INTS3: variants seen among roughly 807,000 people sequenced by gnomAD.
The protein encoded by INTS3 is SOSS complex subunit A.
Under a neutral mutation model 146.3 loss-of-function variants are expected in INTS3, and 34 were observed. The ratio of observed to expected loss-of-function variants is 0.23; its 90% CI spans 0.18 to 0.31. The LOEUF is 0.31. INTS3 is among the 10% of genes least tolerant of loss of function. The probability of loss-of-function intolerance (pLI) is 1.00; values close to 1 mark genes in which losing one functional copy is unlikely to be tolerated. For missense variants in INTS3, 757 were observed against 1,304.2 expected, an observed-to-expected ratio of 0.58 and a Z score of 6.46; for synonymous variants, 475 against 494.9, an observed-to-expected ratio of 0.96 and a Z score of 0.53.
rs375392383 is a variant in INTS3 at position 153,773,487 on chromosome 1, C to T, written c.*217C>T. 2 of 608,474 alleles carry T rather than the reference C, an allele frequency of 3.3e-6. No individual in the cohort carries two copies. Among genetic ancestry groups the T allele is most frequent in the Non-Finnish European group, 6.0e-6 (2 of 333,876 alleles). The allele number at this position is 608,474 out of a possible 1,614,324, so 37.7% of individuals were successfully genotyped here. Reference sequence around the variant, plus strand: ...CTCCTGGGGCCTCCAGCCCCTCACACTGCTGTTCCCAGTGATATTTGGGAT... The same window carrying T: ...CTCCTGGGGCCTCCAGCCCCTCACATTGCTGTTCCCAGTGATATTTGGGAT... On this transcript the variant is annotated 3_prime_UTR_variant, in exon 30 of 30. Coordinates refer to ENST00000318967, the MANE Select transcript of INTS3 (RefSeq NM_023015.5).
chr1:153,772,211 C>T lies in INTS3; in HGVS notation c.2721-129C>T. The T allele has an allele frequency of 8.9e-7, 1 of 1,123,460 alleles. No homozygotes were observed. The highest frequency in any genetic ancestry group is 1.3e-6 in the Non-Finnish European group (1 of 777,878). 69.6% of individuals were successfully genotyped at this position (1,123,460 alleles called of 1,614,324 possible). On this transcript the variant is annotated intron_variant, in intron 26 of 29. Transcript: ENST00000318967. The surrounding 1 kb of genome is among the most constrained non-coding windows in gnomAD (Gnocchi z 4.6). ...ACACCTTTCTCACCCAACCCCAGCC[C>T]TCCCAGGCTGCCTATCCTGTTCCCC...
At chr1:153,768,009 T>A (rs956242400) in intron 21 of INTS3, among the ~76,000 whole-genome samples, 182 bp downstream of exon 21, 1 of 152,186 alleles carries the variant, frequency 6.6e-6, no homozygotes, top group Non-Finnish European at 1.5e-5. Flanking sequence ...TTGAAACATT[T>A]CTAAAACTCC....
rs920168152 is a variant in INTS3, at chr1:153,774,173, C to T, written c.*903C>T. On this transcript the variant is annotated 3_prime_UTR_variant, in exon 30 of 30. Coordinates refer to ENST00000318967, the MANE Select transcript of INTS3 (RefSeq NM_023015.5). ...CCCTACTTGTAACCGCAGAACATCCCCCTTTCCCTTCCTGTTCTGCCCCCA... is the reference window on the plus strand; with the variant it reads ...CCCTACTTGTAACCGCAGAACATCCTCCTTTCCCTTCCTGTTCTGCCCCCA... The T allele has an allele frequency of 1.3e-5, 2 of 152,210 alleles. No individual in the cohort carries two copies. The highest frequency in any genetic ancestry group is 2.9e-5 in the Non-Finnish European group (2 of 68,056). The allele number at this position is 152,210 out of a possible 1,614,324, so 9.4% of individuals were successfully genotyped here.
In INTS3 at chr1:153,772,562, A is replaced by C; in HGVS notation, c.2822-77A>C. The C allele has an allele frequency of 1.9e-6, 3 of 1,611,490 alleles. No homozygotes were observed. The highest frequency in any genetic ancestry group is 2.5e-6 in the Non-Finnish European group (3 of 1,178,662). The stretch of plus-strand genomic sequence containing the variant: ...CCACAACCCACACTCGGGATAAAAC[A>C]ACCTGTGCGTGCTGTTTAATAAGCT... On this transcript the variant is annotated intron_variant, in intron 27 of 29. Transcript: ENST00000318967. The surrounding 1 kb of genome is among the most constrained non-coding windows in gnomAD (Gnocchi z 4.6).
chr1:153,737,979 T>C (rs1381032485), intron 1 of INTS3, among the ~76,000 whole-genome samples: 1 of 152,266 alleles, frequency 6.6e-6, no homozygotes, highest in East Asian at 1.9e-4. Context: ...AATCTTGTTT[T>C]ATCTTCTTTC....
chr1:153,730,587 G>A (rs1259692566), intron 1 of INTS3, among the ~76,000 whole-genome samples: 1 of 152,136 alleles, frequency 6.6e-6, no homozygotes, highest in African/African-American at 2.4e-5. Context: ...ACAGCATCCT[G>A]TTCTTCTGAG....
At chr1:153,741,407 A>T (rs73013744) in intron 3 of INTS3, 39 bp downstream of exon 3, 2 of 1,413,530 alleles carry the variant, frequency 1.4e-6, no homozygotes, top group South Asian at 2.3e-5. Flanking sequence ...CCCTCCTCAT[A>T]TATGATCTGG....
At chr1:153,748,378 T>C (rs1338029632) in intron 5 of INTS3, 7 of 377,770 alleles carry the variant, frequency 1.9e-5, no homozygotes, top group Non-Finnish European at 2.0e-5. Context: ...TCTTTCCAAC[T>C]GTGGGCTTCT....
At chr1:153,732,468 G>A (rs1045846898) in intron 1 of INTS3, among the ~76,000 whole-genome samples, 2 of 148,984 alleles carry the variant, frequency 1.3e-5, no homozygotes, top group African/African-American at 2.5e-5. Context: ...TTTTTTAAAC[G>A]GAGTTTCCCT....
intron 3 of INTS3, among the ~76,000 whole-genome samples, chr1:153,743,025 G>A (rs1435663199): frequency 6.6e-6 from 1 of 152,248 alleles, no homozygotes; most frequent in Non-Finnish European, 1.5e-5. Flanking sequence ...CACAGTTTTA[G>A]GCGGGTGAGG....
chr1:153,758,330 A>G (rs977905477), intron 10 of INTS3, among the ~76,000 whole-genome samples: 18 of 152,146 alleles, frequency 1.2e-4, no homozygotes, highest in Admixed American at 6.5e-5. Context: ...TGATTCAGAT[A>G]TGACAACAGG....
chr1:153,744,915 GA>G (rs1209570094), intron 3 of INTS3, among the ~76,000 whole-genome samples: 1 of 152,124 alleles, frequency 6.6e-6, no homozygotes, highest in Non-Finnish European at 1.5e-5. Context: ...GCATGTTATA[GA>G]ATTGGAGTGC....
chr1:153,768,635 T>C (rs1672694215), intron 21 of INTS3, among the ~76,000 whole-genome samples: 1 of 152,214 alleles, frequency 6.6e-6, no homozygotes, highest in South Asian at 2.1e-4. Flanking sequence ...TTCCTTTCTG[T>C]ACACACATGC....
intron 9 of INTS3, among the ~76,000 whole-genome samples, chr1:153,754,996 AAGT>A (rs1485471882): frequency 3.3e-5 from 5 of 152,240 alleles, no homozygotes; most frequent in African/African-American, 1.2e-4. Context: ...AGTTTATCTA[AAGT>A]AGTCACTAAA....
At chr1:153,741,258 A>G (rs1214673725) in intron 2 of INTS3, 27 bp from the exon 3 acceptor site, 3 of 1,555,342 alleles carry the variant, frequency 1.9e-6, no homozygotes, top group Non-Finnish European at 2.7e-6. Flanking sequence ...AGTGACAACT[A>G]GTTTGTTTTC....
In INTS3 at chr1:153,772,020, CGGTGGTGGT is replaced by C. The variant is rs58166068; in HGVS notation, c.2720+80_2720+88del. ...CATGGCGGTCTGCAGTGATTGCTGT[CGGTGGTGGT>C]GGTGGTGGTGGTGGTGGTGGTGATG... On this transcript the variant is annotated intron_variant, in intron 26 of 29. Coordinates refer to ENST00000318967, the MANE Select transcript of INTS3 (RefSeq NM_023015.5). This position sits in a 1 kb window ranked among gnomAD's most constrained non-coding sequence, Gnocchi z 4.6. 1.6e-4 allele frequency: 192 copies of C among 1,182,538 alleles called. No homozygotes were observed. Among genetic ancestry groups the C allele is most frequent in the Admixed American group, 1.1e-3 (56 of 49,784 alleles). 73.3% of individuals were successfully genotyped at this position (1,182,538 alleles called of 1,614,324 possible).
chr1:153,767,551 A>G, intron 20 of INTS3, 123 bp from the exon 21 acceptor site: 1 of 951,982 alleles, frequency 1.1e-6, no homozygotes, highest in Non-Finnish European at 1.5e-6. Flanking sequence ...GAGGGACATG[A>G]GGCAGATTAG....
intron 1 of INTS3, among the ~76,000 whole-genome samples, chr1:153,733,715 C>T (rs1671178310): frequency 6.6e-6 from 1 of 152,010 alleles, no homozygotes; most frequent in Admixed American, 6.6e-5. Flanking sequence ...AGCGATTCTC[C>T]TGCCTCAGCC....
chr1:153,743,130 C>T (rs1358837843), intron 3 of INTS3, among the ~76,000 whole-genome samples: 3 of 152,220 alleles, frequency 2.0e-5, no homozygotes, highest in Non-Finnish European at 4.4e-5. Context: ...TGCTCCTTCT[C>T]CCTAAAAGGG....
Sources: gnomAD v4.1 joint callset for allele counts (sites outside exome capture counted in the v4.1 genomes callset) on GRCh38, gnomAD v4.1.1 for gene constraint, Gnocchi (gnomAD v3.1) non-coding constraint, MANE v1.5 for transcripts, NCBI Gene and HGNC (gene_info 2026-07-23, HGNC 2026-07-21) for gene names.